The following LOC102723971 variants were observed in gnomAD, a reference collection of about 807,000 sequenced individuals.
At chr9:135,614,937 T>C in the LOC102723971 span, among the ~76,000 whole-genome samples, 1 of 151,672 alleles carries the variant, frequency 6.6e-6, no homozygotes, top group Non-Finnish European at 1.5e-5. Flanking sequence ...CTGAGGGAAG[T>C]GGGGGCAGCA....
chr9:135,619,505 A>G, the LOC102723971 span, among the ~76,000 whole-genome samples: 3 of 152,032 alleles, frequency 2.0e-5, no homozygotes, highest in Admixed American at 6.6e-5. Flanking sequence ...GGGACCCTCC[A>G]GAGAGGTGGC....
the LOC102723971 span, among the ~76,000 whole-genome samples, chr9:135,617,517 G>A: frequency 7.9e-5 from 12 of 152,156 alleles, no homozygotes; most frequent in African/African-American, 1.9e-4. Context: ...AGGATCAGCC[G>A]GAGCCCGAGC....
the LOC102723971 span, chr9:135,614,346 A>C: frequency 2.5e-6 from 1 of 398,226 alleles, no homozygotes; most frequent in East Asian, 3.6e-5. Context: ...TTCAATGCGC[A>C]GAAGGTACGT....
chr9:135,615,272 C>T, the LOC102723971 span: 12 of 395,296 alleles, frequency 3.0e-5, no homozygotes, highest in Non-Finnish European at 5.3e-5. Context: ...GCCGGCCTCT[C>T]CCGACCCGGC....
At chr9:135,614,339 A>G in the LOC102723971 span, 2 of 398,472 alleles carry the variant, frequency 5.0e-6, no homozygotes, top group African/African-American at 4.1e-5. Flanking sequence ...GCCGGGCTTC[A>G]ATGCGCAGAA....
chr9:135,616,490 C>G, the LOC102723971 span: 1 of 397,268 alleles, frequency 2.5e-6, no homozygotes, highest in East Asian at 3.6e-5. Context: ...ACAGTGTCCC[C>G]TGGTGGAGAG....
the LOC102723971 span, chr9:135,614,336 T>G: frequency 5.7e-4 from 229 of 398,640 alleles, 3 homozygotes; most frequent in Non-Finnish European, 6.9e-4. Flanking sequence ...ACAGCCGGGC[T>G]TCAATGCGCA....
chr9:135,614,478 A>G, the LOC102723971 span: 3 of 396,570 alleles, frequency 7.6e-6, no homozygotes, highest in Non-Finnish European at 1.3e-5. Flanking sequence ...ACCCTGCAGC[A>G]GCTCTGGAGG....
chr9:135,618,548 G>T, the LOC102723971 span, among the ~76,000 whole-genome samples: 1 of 152,078 alleles, frequency 6.6e-6, no homozygotes, highest in Non-Finnish European at 1.5e-5. Context: ...GGGTGGGAGT[G>T]GGGGCTAGAG....
chr9:135,615,901 T>A, the LOC102723971 span, among the ~76,000 whole-genome samples: 1 of 152,216 alleles, frequency 6.6e-6, no homozygotes, highest in Non-Finnish European at 1.5e-5. Context: ...ACGGCTGCAC[T>A]GTCAGCAAAA....
the LOC102723971 span, chr9:135,615,400 C>G: frequency 2.5e-6 from 1 of 398,710 alleles, no homozygotes; most frequent in Admixed American, 4.4e-5. Context: ...TGGCAGCCAA[C>G]CACGCAGACC....
the LOC102723971 span, among the ~76,000 whole-genome samples, chr9:135,619,853 C>G: frequency 7.9e-6 from 1 of 125,846 alleles, no homozygotes. Flanking sequence ...GAGGCCTTCT[C>G]CCCCTTCTCC....
At chr9:135,616,470 G>C in the LOC102723971 span, 1 of 396,444 alleles carries the variant, frequency 2.5e-6, no homozygotes, top group African/African-American at 2.1e-5. Flanking sequence ...GCTCTCAGCT[G>C]GTGGCAGCCA....
At chr9:135,615,821 C>A in the LOC102723971 span, among the ~76,000 whole-genome samples, 2 of 152,194 alleles carry the variant, frequency 1.3e-5, no homozygotes, top group Non-Finnish European at 2.9e-5. Flanking sequence ...CAACATCCCT[C>A]TCCCAAGGAC....
At chr9:135,617,364 G>A in the LOC102723971 span, among the ~76,000 whole-genome samples, 3 of 152,194 alleles carry the variant, frequency 2.0e-5, no homozygotes, top group East Asian at 1.9e-4. Context: ...GCAATGTCTC[G>A]GGGTCCTGGG....
chr9:135,619,123 A>C, the LOC102723971 span, among the ~76,000 whole-genome samples: 65 of 151,880 alleles, frequency 4.3e-4, no homozygotes, highest in Non-Finnish European at 3.7e-4. Context: ...GCTGAGCCCA[A>C]CCCTGCCTCT....
the LOC102723971 span, among the ~76,000 whole-genome samples, chr9:135,617,358 T>C: frequency 6.6e-6 from 1 of 152,122 alleles, no homozygotes; most frequent in Non-Finnish European, 1.5e-5. Flanking sequence ...TATCAAGCAA[T>C]GTCTCGGGGT....
At chr9:135,615,470 G>A in the LOC102723971 span, 10 of 398,592 alleles carry the variant, frequency 2.5e-5, no homozygotes, top group South Asian at 6.4e-4. Flanking sequence ...CAGGGACGGC[G>A]GGGACGTGGA....
the LOC102723971 span, among the ~76,000 whole-genome samples, chr9:135,614,662 C>A: frequency 2.0e-5 from 3 of 152,158 alleles, no homozygotes; most frequent in African/African-American, 4.8e-5. Flanking sequence ...AGAAACAGAG[C>A]GCCCAGACAC....
Sources: gnomAD v4.1 joint callset for allele counts (sites outside exome capture counted in the v4.1 genomes callset) on GRCh38, gnomAD v4.1.1 for gene constraint, MANE v1.5 for transcripts.